Variants in FBXO41 observed in about 807,000 individuals in gnomAD.
The protein encoded by FBXO41 is F-box only protein 41.
In FBXO41, 33 loss-of-function variants were observed where a neutral mutation model predicts 81.6. That is an observed-to-expected ratio of 0.40 (90% confidence interval 0.31 to 0.54). FBXO41 has a LOEUF of 0.54. Among genes scored for constraint, FBXO41 ranks in the 20% least tolerant of loss-of-function variants. The pLI is 0.39. For missense variants in FBXO41, 1,107 were observed against 1,236.0 expected (o/e 0.90, Z 1.56); for synonymous variants, 576 against 552.7 (o/e 1.04, Z -0.59).
At chr2:73,263,162 C>T in intron 9 of FBXO41, 51 bp downstream of exon 9, 1 of 1,467,882 alleles carries the variant, frequency 6.8e-7, no homozygotes, top group South Asian at 1.2e-5. Flanking sequence ...CAGCCCCAGA[C>T]CAGGCCCAAC....
chr2:73,259,825 G>A lies in FBXO41; in HGVS notation c.2450-529C>T, dbSNP rs967859424. 6.6e-6 allele frequency among the ~76,000 whole-genome samples: 1 copy of A among 152,136 alleles called. No individual in the cohort carries two copies. Among genetic ancestry groups the A allele is most frequent in the Non-Finnish European group, 1.5e-5 (1 of 68,018 alleles). ...TGGTAAAGTCCAGGGTATCCCATGT[G>A]GCTGAAGGGGGAGGAAGGTCTTGGA... On this transcript the variant is annotated intron_variant, in intron 11 of 12. Coordinates refer to ENST00000520530, the MANE Select transcript of FBXO41 (RefSeq NM_001371389.2). The surrounding 1 kb of genome is among the most constrained non-coding windows in gnomAD (Gnocchi z 4.2).
rs778899072 is a variant in FBXO41, at chr2:73,266,713, C to A, written c.906-31G>T. On this transcript the variant is annotated intron_variant, in intron 2 of 12. Transcript: ENST00000520530. This position sits in a 1 kb window ranked among gnomAD's most constrained non-coding sequence, Gnocchi z 5.3. ...CCCAGAGCAGTCTCTTACCCCAGAG[C>A]CTCAGCCTGCCTGCCCACCCACCCT... 6.6e-7 allele frequency: 1 copy of A among 1,505,626 alleles called. No individual in the cohort carries two copies. The highest frequency in any genetic ancestry group is 2.1e-5 in the Admixed American group (1 of 48,224). 93.3% of individuals were successfully genotyped at this position (1,505,626 alleles called of 1,614,324 possible). A position where few individuals can be genotyped will look rare whatever the true frequency, so the allele number is the denominator to read the frequency against.
chr2:73,261,130 C>G (rs1240266143), intron 9 of FBXO41, among the ~76,000 whole-genome samples: 2 of 151,720 alleles, frequency 1.3e-5, no homozygotes, highest in East Asian at 3.9e-4. Flanking sequence ...AATTTCGGCT[C>G]ACTGCAACCT....
At chr2:73,272,609 T>C (rs1213437009) in intron 1 of FBXO41, among the ~76,000 whole-genome samples, 1 of 152,174 alleles carries the variant, frequency 6.6e-6, no homozygotes, top group Non-Finnish European at 1.5e-5. Context: ...GATGACCTTT[T>C]GCCTCCCTCC....
intron 1 of FBXO41, among the ~76,000 whole-genome samples, chr2:73,276,653 GA>G (rs199631100): frequency 2.5e-4 from 37 of 147,136 alleles, no homozygotes; most frequent in Admixed American, 6.8e-4. Context: ...ACACATGGGG[GA>G]AAAAAAAAGA....
chr2:73,273,439 A>G (rs1452980401), intron 1 of FBXO41, among the ~76,000 whole-genome samples: 3 of 152,040 alleles, frequency 2.0e-5, no homozygotes, highest in East Asian at 3.9e-4. Context: ...TTGATCCCCA[A>G]TTTTCCCTTT....
At position 73,258,993 on chromosome 2, in the gene FBXO41, C is replaced by A. The variant is rs1407480791; in HGVS notation, c.2617G>T (p.Gly873Cys). The A allele has an allele frequency of 1.3e-6, 2 of 1,585,236 alleles. No individual in the cohort carries two copies. Among genetic ancestry groups the A allele is most frequent in the Non-Finnish European group, 8.6e-7 (1 of 1,166,060 alleles). The change falls in exon 13 of 13, where the codon GGC (glycine) becomes TGC (cysteine). Residue 873 changes from glycine to cysteine, a missense_variant. Gly to Cys is a radical substitution (Grantham distance 159, BLOSUM62 -3). Around this residue, in one of 2 missense-constraint regions of FBXO41, gnomAD observed 336 missense variants for 446.7 expected, o/e 0.75. Transcript: ENST00000520530. ...FSKILHIKVE[G>C]GC ...GCCCCCTACCCGGGTTAGCAGCCGC[C>A]TTCCACCTTGATGTGCAGAATCTTA...
rs1438805964 is a variant in FBXO41, at chr2:73,265,982, G to A, written c.1132-16C>T. On this transcript the variant is annotated splice_polypyrimidine_tract_variant and intron_variant, in intron 3 of 12. Transcript: ENST00000520530. ...GGTGTTCTCGCTGTGGGCCCCCAGA[G>A]CAGGAGGTAAAGGAGAGGGGCGGAG... is the stretch of plus-strand genomic sequence containing the variant. The A allele has an allele frequency of 2.6e-6, 4 of 1,563,568 alleles. No individual in the cohort carries two copies. The highest frequency in any genetic ancestry group is 1.4e-5 in the African/African-American group (1 of 73,920).
At position 73,268,712 on chromosome 2, in the gene FBXO41, G is replaced by T. The variant is rs370709671; in HGVS notation, c.905+14C>A. 33 of 1,511,288 alleles carry T rather than the reference G, an allele frequency of 2.2e-5. No homozygotes were observed. The highest frequency in any genetic ancestry group is 2.8e-5 in the Non-Finnish European group (32 of 1,123,850). 93.6% of individuals were successfully genotyped at this position (1,511,288 alleles called of 1,614,324 possible). A position where few individuals can be genotyped will look rare whatever the true frequency, so the allele number is the denominator to read the frequency against. On this transcript the variant is annotated intron_variant, in intron 2 of 12. Transcript: ENST00000520530. ...CAGGCACAACCACTCACAGGGCCCC[G>T]AGGGTCTACTCACTGCTGCTTGCGG...
intron 2 of FBXO41, among the ~76,000 whole-genome samples, chr2:73,268,210 G>T (rs1326638540): frequency 2.0e-5 from 3 of 152,184 alleles, no homozygotes; most frequent in Non-Finnish European, 4.4e-5. Context: ...GTGGAAACCC[G>T]ATCAGCCTGG....
Position 73,268,714 on chromosome 2 carries a change from G to T in FBXO41, c.905+12C>A. On this transcript the variant is annotated intron_variant, in intron 2 of 12. Coordinates refer to ENST00000520530, the MANE Select transcript of FBXO41 (RefSeq NM_001371389.2). ...GGCACAACCACTCACAGGGCCCCGA[G>T]GGTCTACTCACTGCTGCTTGCGGCT... The T allele has an allele frequency of 6.6e-7, 1 of 1,514,130 alleles. No homozygotes were observed. 93.8% of individuals were successfully genotyped at this position (1,514,130 alleles called of 1,614,324 possible). A position where few individuals can be genotyped will look rare whatever the true frequency, so the allele number is the denominator to read the frequency against.
intron 1 of FBXO41, among the ~76,000 whole-genome samples, chr2:73,281,732 G>T (rs1436640729): frequency 6.6e-6 from 1 of 152,188 alleles, no homozygotes; most frequent in Non-Finnish European, 1.5e-5. Flanking sequence ...AGACCAGCAG[G>T]GCCCACAGCC....
At position 73,258,946 on chromosome 2, in the gene FBXO41, TG is replaced by T; in HGVS notation, c.*35del. ...GAGGTCCAAAGAGAGTGCCCTGGTG[TG>T]GGGCTGGCAGGGGCCCTGCCGCCCC... On this transcript the variant is annotated 3_prime_UTR_variant, in exon 13 of 13. Coordinates refer to ENST00000520530, the MANE Select transcript of FBXO41 (RefSeq NM_001371389.2). 6.5e-7 allele frequency: 1 copy of T among 1,547,426 alleles called. No individual in the cohort carries two copies. Among genetic ancestry groups the T allele is most frequent in the South Asian group, 1.2e-5 (1 of 83,072 alleles).
chr2:73,261,350 G>A (rs1688015903), intron 9 of FBXO41, among the ~76,000 whole-genome samples: 1 of 152,106 alleles, frequency 6.6e-6, no homozygotes, highest in African/African-American at 2.4e-5. Flanking sequence ...GAGCCACTGC[G>A]CCCGGCCTTA....
At position 73,263,216 on chromosome 2, in the gene FBXO41, G is replaced by A; in HGVS notation, c.2168C>T (p.Pro723Leu). ...IVSLQVAPLH[P>L]CQQPTRFSNR... is the part of the protein sequence containing the mutation. Reference sequence around the variant, plus strand: ...CCCCAAACCTGCCAGGGCTCACCAGGGGTGAAGTGGTGCCACTTGGAGGGA... The same window carrying A: ...CCCCAAACCTGCCAGGGCTCACCAGAGGTGAAGTGGTGCCACTTGGAGGGA... Residue 723 changes from proline to leucine, a missense_variant, in exon 9 of 13, where the codon CCC (proline) becomes CTC (leucine). Pro to Leu is a moderately conservative substitution (Grantham distance 98). Around this residue, in one of 2 missense-constraint regions of FBXO41, gnomAD observed 336 missense variants for 446.7 expected, o/e 0.75. Transcript: ENST00000520530. 6.4e-7 allele frequency: 1 copy of A among 1,554,364 alleles called. No individual in the cohort carries two copies. Among genetic ancestry groups the A allele is most frequent in the Non-Finnish European group, 8.7e-7 (1 of 1,148,510 alleles).
At chr2:73,276,926 C>G (rs1264570602) in intron 1 of FBXO41, among the ~76,000 whole-genome samples, 1 of 152,180 alleles carries the variant, frequency 6.6e-6, no homozygotes, top group African/African-American at 2.4e-5. Flanking sequence ...GTATGGTGAG[C>G]CTGGTGTCAG....
rs1042624871 is a variant in FBXO41, at chr2:73,266,843, G to A, written c.906-161C>T. The stretch of plus-strand genomic sequence containing the variant: ...CAGAACAGGCCTAGCACACAGCCCC[G>A]CACGATGACACATACAGAAATGCAT... On this transcript the variant is annotated intron_variant, in intron 2 of 12. Transcript: ENST00000520530. The surrounding 1 kb of genome is among the most constrained non-coding windows in gnomAD (Gnocchi z 5.3). 9.6e-6 allele frequency: 11 copies of A among 1,141,640 alleles called. No homozygotes were observed. The South Asian group carries it at 1.3e-4, about 13-fold the overall frequency. The allele number at this position is 1,141,640 out of a possible 1,614,324, so 70.7% of individuals were successfully genotyped here. A position where few individuals can be genotyped will look rare whatever the true frequency, so the allele number is the denominator to read the frequency against.
At chr2:73,280,033 C>T (rs1454324227) in intron 1 of FBXO41, among the ~76,000 whole-genome samples, 2 of 152,052 alleles carry the variant, frequency 1.3e-5, no homozygotes, top group Non-Finnish European at 2.9e-5. Flanking sequence ...CCCCAACACC[C>T]GCCTTCAAAC....
At position 73,276,108 on chromosome 2, in the gene FBXO41, T is replaced by TAAA. The variant is rs951639547; in HGVS notation, c.-138-6343_-138-6341dup. ...GCCAAGATTTAACTTTCTTTTTTTT[T>TAAA]AAAAAAATGATATGTAGTAGGCTAG... On this transcript the variant is annotated intron_variant, in intron 1 of 12. Transcript: ENST00000520530. Among the ~76,000 whole-genome samples, 36 of 148,368 alleles carry TAAA rather than the reference T, an allele frequency of 2.4e-4. 3 individuals are homozygous for TAAA. The highest frequency in any genetic ancestry group is 7.0e-4 in the African/African-American group (28 of 40,066).
Sources: allele counts gnomAD v4.1 joint callset (sites outside exome capture counted in the v4.1 genomes callset), GRCh38; gene constraint gnomAD v4.1.1; regional missense constraint gnomAD v4.1.1; non-coding constraint Gnocchi (gnomAD v3.1); transcripts MANE v1.5; gene names NCBI Gene and HGNC (gene_info 2026-07-23, HGNC 2026-07-21).